Variants in DIP2C observed in about 807,000 individuals in gnomAD.
DIP2C encodes disco-interacting protein 2 homolog C.
DIP2C carries 33 observed loss-of-function variants against 192.4 expected under a neutral mutation model. The observed-to-expected ratio is 0.17, with a 90% CI of 0.13 to 0.23. DIP2C has a LOEUF of 0.23. DIP2C is among the 10% of genes least tolerant of loss of function. The probability of loss-of-function intolerance (pLI) is 1.00; values close to 1 mark genes in which losing one functional copy is unlikely to be tolerated. For synonymous variants in DIP2C, 979 were observed against 864.1 expected (o/e 1.13, Z -2.33); for missense variants, 1,537 against 2,110.1 (o/e 0.73, Z 5.32).
At chr10:497,797 T>TGAAATGC (rs1360735462) in intron 1 of DIP2C, among the ~76,000 whole-genome samples, 2 of 152,172 alleles carry the variant, frequency 1.3e-5, no homozygotes, top group Admixed American at 6.5e-5. Flanking sequence ...CATTTGGAGT[T>TGAAATGC]GAAATGCAAA....
At position 652,772 on chromosome 10, in the gene DIP2C, C is replaced by A. The variant is rs989381913; in HGVS notation, c.85+36722G>T. The A allele has an allele frequency of 1.3e-5, 2 of 152,146 alleles. No homozygotes were observed. Among genetic ancestry groups the A allele is most frequent in the African/African-American group, 4.8e-5 (2 of 41,390 alleles). 9.4% of individuals were successfully genotyped at this position (152,146 alleles called of 1,614,324 possible). A position where few individuals can be genotyped will look rare whatever the true frequency, so the allele number is the denominator to read the frequency against. ...TTTTCTATCCTCCTCAAGCACAGAA[C>A]CGCACGCAGAGTGATTTTTTTTTTT... On this transcript the variant is annotated intron_variant, in intron 1 of 36. Transcript: ENST00000280886. This position sits in a 1 kb window ranked among gnomAD's most constrained non-coding sequence, Gnocchi z 4.5.
At chr10:369,465 A>C (rs1413633208) in intron 18 of DIP2C, 29 bp downstream of exon 18, 1 of 1,500,712 alleles carries the variant, frequency 6.7e-7, no homozygotes, top group South Asian at 1.4e-5. Context: ...ATAACTGGTT[A>C]ATCTGTGCAG....
chr10:608,286 A>G lies in DIP2C; in HGVS notation c.85+81208T>C, dbSNP rs117451945. ...CCCCACACACAGCCCCTACACACAC[A>G]CACACACACAGCCCCTACACACACA... On this transcript the variant is annotated intron_variant, in intron 1 of 36. Coordinates refer to ENST00000280886, the MANE Select transcript of DIP2C (RefSeq NM_014974.3). Among the ~76,000 whole-genome samples the G allele has an allele frequency of 2.9e-4, 3 of 10,354 alleles. 1 individual carries two copies. The highest frequency in any genetic ancestry group is 2.2e-3 in the African/African-American group (3 of 1,386). The allele number at this position is 10,354 out of a possible 152,430, so 6.8% of individuals were successfully genotyped here. A position where few individuals can be genotyped will look rare whatever the true frequency, so the allele number is the denominator to read the frequency against.
chr10:411,000 G>GT (rs1168054691), intron 8 of DIP2C, among the ~76,000 whole-genome samples: 6 of 152,210 alleles, frequency 3.9e-5, no homozygotes, highest in Non-Finnish European at 7.3e-5. Flanking sequence ...ACTGAACAGA[G>GT]TGTAACTGGT....
intron 1 of DIP2C, among the ~76,000 whole-genome samples, chr10:672,467 C>T (rs974589112): frequency 1.3e-5 from 2 of 152,234 alleles, no homozygotes; most frequent in Non-Finnish European, 2.9e-5. Context: ...CTGCCGCCCA[C>T]CCCAGAGGCG....
chr10:341,970 C>A (rs1296348041), intron 28 of DIP2C, among the ~76,000 whole-genome samples: 3 of 152,202 alleles, frequency 2.0e-5, no homozygotes, highest in South Asian at 2.1e-4. Flanking sequence ...CTGGCGACAA[C>A]TGTCACCAAG....
At chr10:647,573 C>T (rs1171749099) in intron 1 of DIP2C, among the ~76,000 whole-genome samples, 12 of 150,138 alleles carry the variant, frequency 8.0e-5, no homozygotes, top group Non-Finnish European at 1.3e-4. Context: ...TCCACGTCCA[C>T]ATTTGACGGT....
chr10:355,398 T>C (rs1959034297), intron 24 of DIP2C, among the ~76,000 whole-genome samples: 1 of 152,248 alleles, frequency 6.6e-6, no homozygotes. Flanking sequence ...GGGAATAATT[T>C]CGTGATGCTG....
At chr10:427,886 A>G (rs1966696691) in intron 4 of DIP2C, among the ~76,000 whole-genome samples, 1 of 152,228 alleles carries the variant, frequency 6.6e-6, no homozygotes, top group South Asian at 2.1e-4. Flanking sequence ...ACTTACAATA[A>G]GAGTCAATCA....
In DIP2C at chr10:286,353, T is replaced by C; in HGVS notation, c.4045-6A>G. ...ATCCGAACCCCTGGAAGTATCTATT[T>C]GGGAGAGGAAAAGTCTCTTGTCAAT... On this transcript the variant is annotated splice_polypyrimidine_tract_variant and splice_region_variant and intron_variant, in intron 33 of 36. Coordinates refer to ENST00000280886, the MANE Select transcript of DIP2C (RefSeq NM_014974.3). 2 of 1,614,038 alleles carry C rather than the reference T, an allele frequency of 1.2e-6. No homozygotes were observed. Among genetic ancestry groups the C allele is most frequent in the African/African-American group, 1.3e-5 (1 of 75,052 alleles).
At chr10:682,163 T>C (rs1831158304) in intron 1 of DIP2C, among the ~76,000 whole-genome samples, 1 of 152,254 alleles carries the variant, frequency 6.6e-6, no homozygotes, top group Admixed American at 6.5e-5. Flanking sequence ...CAACGGCCGC[T>C]GGAGGACAAA....
intron 1 of DIP2C, among the ~76,000 whole-genome samples, chr10:496,380 C>A (rs994694637): frequency 8.0e-6 from 1 of 124,358 alleles, no homozygotes; most frequent in Non-Finnish European, 1.6e-5. Flanking sequence ...TCTTAATACC[C>A]CAAACATGAG....
At chr10:549,401 G>A (rs892891729) in intron 1 of DIP2C, among the ~76,000 whole-genome samples, 15 of 152,188 alleles carry the variant, frequency 9.9e-5, no homozygotes, top group African/African-American at 2.7e-4. Flanking sequence ...AAGATACAAC[G>A]CGTCCACACA....
intron 1 of DIP2C, among the ~76,000 whole-genome samples, chr10:661,787 A>G (rs1856778241): frequency 6.6e-6 from 1 of 152,086 alleles, no homozygotes. Flanking sequence ...ATTTTCCCCA[A>G]GCCTCCTTCC....
intron 1 of DIP2C, among the ~76,000 whole-genome samples, chr10:490,213 G>C (rs1419127657): frequency 3.3e-5 from 5 of 151,882 alleles, no homozygotes; most frequent in African/African-American, 1.2e-4. Flanking sequence ...GGTGCCTGGG[G>C]CTTCCTCCAT....
intron 33 of DIP2C, 80 bp downstream of exon 33, chr10:288,284 T>C: frequency 7.4e-7 from 1 of 1,343,094 alleles, no homozygotes; most frequent in South Asian, 1.3e-5. Flanking sequence ...TTCTAAAAAA[T>C]ACATTTCCTA....
Position 569,638 on chromosome 10 carries a change from A to G in DIP2C, c.86-83108T>C, listed in dbSNP as rs959221780. On this transcript the variant is annotated intron_variant, in intron 1 of 36. Coordinates refer to ENST00000280886, the MANE Select transcript of DIP2C (RefSeq NM_014974.3). The stretch of plus-strand genomic sequence containing the variant: ...GCAAAAACAAAACAAATACCACTAC[A>G]CCATCACTCCTTAAATTTATTTAAC... 5.3e-5 allele frequency among the ~76,000 whole-genome samples: 8 copies of G among 152,292 alleles called. No homozygotes were observed. The East Asian group carries it at 1.5e-3, about 29-fold the overall frequency.
At chr10:554,681 G>C (rs1444303571) in intron 1 of DIP2C, among the ~76,000 whole-genome samples, 1 of 152,218 alleles carries the variant, frequency 6.6e-6, no homozygotes, top group African/African-American at 2.4e-5. Flanking sequence ...CCTAGAACTG[G>C]CTCCAGGGCC....
chr10:548,123 C>A (rs570974627), intron 1 of DIP2C, among the ~76,000 whole-genome samples: 1 of 151,730 alleles, frequency 6.6e-6, no homozygotes, highest in African/African-American at 2.4e-5. Context: ...GTGTGGTGGT[C>A]CCCTGTCCCC....
Sources: gnomAD v4.1 joint callset for allele counts (sites outside exome capture counted in the v4.1 genomes callset) on GRCh38, gnomAD v4.1.1 for gene constraint, Gnocchi (gnomAD v3.1) non-coding constraint, MANE v1.5 for transcripts, NCBI Gene and HGNC (gene_info 2026-07-23, HGNC 2026-07-21) for gene names.